Variants in TFR2 observed in about 807,000 individuals in gnomAD.
TFR2 encodes transferrin receptor protein 2.
A neutral mutation model predicts 91.9 loss-of-function variants in TFR2; 64 were observed. The observed-to-expected ratio is 0.70, with a 90% CI of 0.57 to 0.86. The LOEUF is 0.86. TFR2 is among the 40% of genes least tolerant of loss of function. The pLI is 0.00. For missense variants in TFR2, 950 were observed against 1,080.5 expected (o/e 0.88, Z 1.69); for synonymous variants, 454 against 459.6 (o/e 0.99, Z 0.15).
chr7:100,635,531 C>T (rs532418692), intron 3 of TFR2, among the ~76,000 whole-genome samples: 1 of 151,846 alleles, frequency 6.6e-6, no homozygotes, highest in East Asian at 1.9e-4. Context: ...CTGCAACCTC[C>T]ACCTCCCAGG....
chr7:100,627,696 C>T (rs756027634), intron 14 of TFR2, 35 bp from the exon 15 acceptor site: 2 of 1,613,836 alleles, frequency 1.2e-6, no homozygotes, highest in Non-Finnish European at 1.7e-6. Context: ...TCTGTGGGTT[C>T]AGGCTCCCCC....
intron 17 of TFR2, among the ~76,000 whole-genome samples, chr7:100,626,096 C>T (rs1245972780): frequency 6.6e-6 from 1 of 152,150 alleles, no homozygotes; most frequent in Non-Finnish European, 1.5e-5. Context: ...GCAGACCTTT[C>T]CCCATGGCCA....
rs148541221 is a variant in TFR2, at chr7:100,628,097, C to T, written c.1513G>A (p.Val505Met). The change falls in exon 12 of 18, where the codon GTG (valine) becomes ATG (methionine). Residue 505 changes from valine to methionine, a missense_variant. Coordinates refer to ENST00000223051, the MANE Select transcript of TFR2 (RefSeq NM_003227.4). ...SVLHLKAVVY[V>M]SLDNAVLGDD... Reference sequence around the variant, plus strand: ...CCCAGCACTGCGTTGTCCAGGCTCACGTACACTACGGCTTTGAGGTGCAGC... The same window carrying T: ...CCCAGCACTGCGTTGTCCAGGCTCATGTACACTACGGCTTTGAGGTGCAGC... 687 of 1,614,008 alleles carry T rather than the reference C, an allele frequency of 4.3e-4. 1 individual carries two copies. Among genetic ancestry groups the T allele is most frequent in the Non-Finnish European group, 5.7e-4 (668 of 1,180,020 alleles).
chr7:100,632,126 G>T lies in TFR2; in HGVS notation c.922C>A (p.Pro308Thr). The change falls in exon 7 of 18, where the codon CCA becomes ACA. Residue 308 changes from proline to threonine, a missense_variant. Coordinates refer to ENST00000223051, the MANE Select transcript of TFR2 (RefSeq NM_003227.4). ...TGGCTGGACAGGCTTGGCTTGGGTG[G>T]GTCCTGGGAGAAGTCCGCTGGCTCT... ...YPEPADFSQD[P>T]PKPSLSSQQA... 6.2e-7 allele frequency: 1 copy of T among 1,614,168 alleles called. No homozygotes were observed. Among genetic ancestry groups the T allele is most frequent in the Middle Eastern group, 1.6e-4 (1 of 6,062 alleles).
At chr7:100,634,095 G>C (rs1803526869) in intron 3 of TFR2, among the ~76,000 whole-genome samples, 1 of 151,516 alleles carries the variant, frequency 6.6e-6, no homozygotes, top group Non-Finnish European at 1.5e-5. Flanking sequence ...ACTTCCCATA[G>C]CTGGGGGTCC....
chr7:100,633,373 G>A (rs774951879), intron 4 of TFR2, 33 bp from the exon 5 acceptor site: 26 of 1,608,894 alleles, frequency 1.6e-5, no homozygotes, highest in Middle Eastern at 1.7e-4. Flanking sequence ...GCCCCGAGCC[G>A]CGTCCCCCTC....
chr7:100,624,601 C>T (rs748260320), intron 17 of TFR2, among the ~76,000 whole-genome samples: 4 of 152,216 alleles, frequency 2.6e-5, no homozygotes, highest in Non-Finnish European at 4.4e-5. Context: ...AGCAGAGGCT[C>T]ACGCCTGTAA....
rs375176319 is a variant in TFR2 at position 100,632,979 on chromosome 7, C to G, written c.849+22G>C. 9 of 1,613,568 alleles carry G rather than the reference C, an allele frequency of 5.6e-6. No homozygotes were observed. In the African/African-American group the frequency reaches 9.3e-5, roughly 17 times the overall value. On this transcript the variant is annotated intron_variant, in intron 6 of 17. Transcript: ENST00000223051. ...CCTCCGGTTCCCGGGCTCAAGCCCTCCCTCTGTCCAGGGACACTTACCTTC... is the reference window on the plus strand; with the variant it reads ...CCTCCGGTTCCCGGGCTCAAGCCCTGCCTCTGTCCAGGGACACTTACCTTC...
rs1348905351 is a variant in TFR2 at position 100,641,363 on chromosome 7, G to A, written c.33+114C>T. 7.5e-6 allele frequency: 11 copies of A among 1,471,294 alleles called. No homozygotes were observed. The Admixed American group carries it at 9.7e-5, about 13-fold the overall frequency. The allele number at this position is 1,471,294 out of a possible 1,614,324, so 91.1% of individuals were successfully genotyped here. A position where few individuals can be genotyped will look rare whatever the true frequency, so the allele number is the denominator to read the frequency against. On this transcript the variant is annotated intron_variant, in intron 1 of 17. Transcript: ENST00000223051. ...GGGGCGTGGGGGAGGGGCAGGGGTG[G>A]GAAGAAGCGAGGTCAGGACACGGTC...
intron 1 of TFR2, 99 bp from the exon 2 acceptor site, chr7:100,641,327 G>C: frequency 9.1e-7 from 1 of 1,104,258 alleles, no homozygotes. Context: ...TGTCAAATGA[G>C]CATGGTGGTG....
chr7:100,631,999 C>T (rs1029781011), intron 7 of TFR2, 54 bp from the exon 8 acceptor site: 329 of 1,613,918 alleles, frequency 2.0e-4, no homozygotes, highest in Non-Finnish European at 2.6e-4. Context: ...CCAGGAAAAA[C>T]GAAAAACATG....
chr7:100,632,843 T>G, intron 6 of TFR2, 158 bp downstream of exon 6: 2 of 1,256,508 alleles, frequency 1.6e-6, no homozygotes, highest in African/African-American at 1.5e-5. Context: ...AGTGCTGGGA[T>G]TGCAGGTGAG....
intron 13 of TFR2, 22 bp downstream of exon 13, chr7:100,627,885 C>T (rs748238420): frequency 6.8e-6 from 11 of 1,614,012 alleles, no homozygotes; most frequent in Middle Eastern, 3.3e-4. Context: ...CCCTTCACCC[C>T]CTATTCCTGG....
chr7:100,623,230 G>C (rs1803155173), intron 17 of TFR2, among the ~76,000 whole-genome samples: 1 of 152,258 alleles, frequency 6.6e-6, no homozygotes, highest in South Asian at 2.1e-4. Context: ...CCGAGATCGT[G>C]CCACTGCACT....
At chr7:100,640,541 T>G in intron 3 of TFR2, 145 bp downstream of exon 3, 12 of 905,040 alleles carry the variant, frequency 1.3e-5, no homozygotes, top group Non-Finnish European at 1.8e-5. Context: ...CCAGGACCGC[T>G]GAACAGGGGG....
intron 17 of TFR2, among the ~76,000 whole-genome samples, chr7:100,621,556 C>T (rs1803112950): frequency 6.6e-6 from 1 of 152,024 alleles, no homozygotes; most frequent in Non-Finnish European, 1.5e-5. Flanking sequence ...GCTAGGCCTC[C>T]CCTTCTATCT....
intron 8 of TFR2, among the ~76,000 whole-genome samples, chr7:100,631,263 C>G (rs1266745576): frequency 6.7e-6 from 1 of 148,204 alleles, no homozygotes; most frequent in East Asian, 2.0e-4. Context: ...AGTTGCCAGA[C>G]AGTAGACCCT....
Position 100,628,240 on chromosome 7 carries a change from G to A in TFR2, c.1457C>T (p.Ser486Phe). Residue 486 changes from serine (S) to phenylalanine (F), a missense_variant, in exon 11 of 18, where the codon TCC (serine) becomes TTC (phenylalanine). Transcript: ENST00000223051. ...CCGTATCACCTCTAGCCACTCCGTG[G>A]AGCCCACGCTTCCAAAGTCACCACC... ...WDGGDFGSVG[S>F]TEWLEGYLSV... The A allele has an allele frequency of 6.2e-7, 1 of 1,613,658 alleles. No homozygotes were observed. Among genetic ancestry groups the A allele is most frequent in the Non-Finnish European group, 8.5e-7 (1 of 1,179,922 alleles).
At chr7:100,634,911 A>G (rs899641774) in intron 3 of TFR2, among the ~76,000 whole-genome samples, 4 of 151,800 alleles carry the variant, frequency 2.6e-5, no homozygotes, top group African/African-American at 7.3e-5. Flanking sequence ...GTCTTTCTTT[A>G]CACACTTTTC....
Sources: gnomAD v4.1 joint callset for allele counts (sites outside exome capture counted in the v4.1 genomes callset) on GRCh38, gnomAD v4.1.1 for gene constraint, MANE v1.5 for transcripts, NCBI Gene and HGNC (gene_info 2026-07-23, HGNC 2026-07-21) for gene names.